The following DNAH6 variants were observed in gnomAD, a reference collection of about 807,000 sequenced individuals.
The protein encoded by DNAH6 is dynein axonemal heavy chain 6, also known as axonemal beta dynein heavy chain 6.
Under a neutral mutation model 491.4 loss-of-function variants are expected in DNAH6, and 340 were observed. The observed-to-expected ratio is 0.69, with a 90% CI of 0.63 to 0.76. The LOEUF (loss-of-function observed/expected upper bound fraction) is 0.76. Among genes scored for constraint, DNAH6 ranks in the 30% least tolerant of loss-of-function variants. DNAH6 has a pLI of 0.00. For synonymous variants in DNAH6, 1,603 were observed against 1,686.1 expected, an observed-to-expected ratio of 0.95 and a Z score of 1.21; for missense variants, 4,443 against 4,972.2, an observed-to-expected ratio of 0.89 and a Z score of 3.20.
intron 21 of DNAH6, among the ~76,000 whole-genome samples, chr2:84,609,789 A>C (rs1376857750): frequency 1.3e-5 from 2 of 152,180 alleles, no homozygotes; most frequent in African/African-American, 2.4e-5. Context: ...TGCTGTTGGA[A>C]AAATGGCATG....
chr2:84,473,443 A>G, the DNAH6 span, among the ~76,000 whole-genome samples: 1 of 152,212 alleles, frequency 6.6e-6, no homozygotes, highest in African/African-American at 2.4e-5. Context: ...CCTGTAGGCA[A>G]ATGCTTAGTA....
Position 84,781,626 on chromosome 2 carries a change from G to A in DNAH6, c.10837G>A (p.Glu3613Lys). The A allele has an allele frequency of 6.4e-7, 1 of 1,551,910 alleles. No homozygotes were observed. Among genetic ancestry groups the A allele is most frequent in the Non-Finnish European group, 8.7e-7 (1 of 1,146,950 alleles). The change falls in exon 65 of 77, where the codon GAG becomes AAG. Residue 3613 changes from glutamate to lysine, a missense_variant. Glu to Lys is a moderately conservative substitution (Grantham distance 56). Coordinates refer to ENST00000389394, the MANE Select transcript of DNAH6 (RefSeq NM_001370.2). ...TGTTTCTTGGATGTTGGCAATGGAA[G>A]AGCTCATTAAAACCTTCACAGATCC... ...LAVSWMLAMEELIKTFTDPDS... is the reference protein window; with the variant it reads ...LAVSWMLAMEKLIKTFTDPDS...
Position 84,688,515 on chromosome 2 carries a change from A to C in DNAH6, c.7214A>C (p.Tyr2405Ser), listed in dbSNP as rs565654789. ...IEKTANVLQD[Y>S]LDDYNLTNPK... ...AAAACTGCAAATGTTCTACAGGACT[A>C]TCTTGATGATTATAATCTCACAAAT... The change falls in exon 45 of 77, where the codon TAT becomes TCT. Residue 2405 changes from tyrosine (Y) to serine (S), a missense_variant. This residue lies in a region of DNAH6 where 2,977 missense variants were observed against 3,296.6 expected (regional missense o/e 0.90). Coordinates refer to ENST00000389394, the MANE Select transcript of DNAH6 (RefSeq NM_001370.2). The C allele has an allele frequency of 6.5e-7, 1 of 1,543,560 alleles. No individual in the cohort carries two copies. Among genetic ancestry groups the C allele is most frequent in the African/African-American group, 1.4e-5 (1 of 72,688 alleles).
the DNAH6 span, among the ~76,000 whole-genome samples, chr2:84,478,358 CAG>C: frequency 6.6e-6 from 1 of 152,306 alleles, no homozygotes; most frequent in Non-Finnish European, 1.5e-5. Flanking sequence ...TCTCCTCTGA[CAG>C]AGAGTGGCAC....
intron 26 of DNAH6, 105 bp downstream of exon 26, chr2:84,621,656 T>C: frequency 1.6e-6 from 1 of 619,748 alleles, no homozygotes; most frequent in African/African-American, 1.8e-5. Flanking sequence ...GAAATTCTAA[T>C]GCTCTGACAT....
At chr2:84,517,257 C>G (rs1009810051) in intron 1 of DNAH6, among the ~76,000 whole-genome samples, 1 of 152,164 alleles carries the variant, frequency 6.6e-6, no homozygotes, top group African/African-American at 2.4e-5. Context: ...GTTTTAGGAC[C>G]TTGCTACTCA....
At chr2:84,525,843 A>G (rs1041776828) in intron 3 of DNAH6, 105 bp downstream of exon 3, 2 of 793,516 alleles carry the variant, frequency 2.5e-6, no homozygotes, top group Non-Finnish European at 3.9e-6. Context: ...GTCATTTTCT[A>G]TAAGGTTGCA....
chr2:84,615,683 C>T (rs1282210811), intron 22 of DNAH6, among the ~76,000 whole-genome samples: 1 of 151,974 alleles, frequency 6.6e-6, no homozygotes, highest in Non-Finnish European at 1.5e-5. Context: ...GGATGTGTTT[C>T]CATTTGTTTG....
Position 84,706,798 on chromosome 2 carries a change from G to T in DNAH6, c.8728-98G>T, listed in dbSNP as rs539495714. On this transcript the variant is annotated intron_variant, in intron 52 of 76. Coordinates refer to ENST00000389394, the MANE Select transcript of DNAH6 (RefSeq NM_001370.2). The stretch of plus-strand genomic sequence containing the variant: ...ATCAAAGTCTTTTTGGACATGAAAA[G>T]AGGAACATATATAAAATTTTTTTTA... 3.6e-6 allele frequency: 5 copies of T among 1,375,140 alleles called. No individual in the cohort carries two copies. In the African/African-American group the frequency reaches 4.6e-5, roughly 13 times the overall value. The allele number at this position is 1,375,140 out of a possible 1,614,324, so 85.2% of individuals were successfully genotyped here.
chr2:84,733,307 C>G, intron 61 of DNAH6, 137 bp from the exon 62 acceptor site: 1 of 671,550 alleles, frequency 1.5e-6, no homozygotes, highest in Non-Finnish European at 2.5e-6. Flanking sequence ...ATTTCTATTT[C>G]ACCATATTGT....
At chr2:84,468,569 A>G in the DNAH6 span, among the ~76,000 whole-genome samples, 1 of 152,210 alleles carries the variant, frequency 6.6e-6, no homozygotes, top group Non-Finnish European at 1.5e-5. Flanking sequence ...GTGCTTAGAG[A>G]AAAGAAAATT....
chr2:84,649,244 T>C (rs1235811192), intron 33 of DNAH6, among the ~76,000 whole-genome samples: 2 of 152,248 alleles, frequency 1.3e-5, no homozygotes, highest in African/African-American at 4.8e-5. Flanking sequence ...ATATTCACTT[T>C]ATTGTAGTGG....
intron 59 of DNAH6, among the ~76,000 whole-genome samples, chr2:84,720,916 T>A (rs1202664254): frequency 6.6e-6 from 1 of 152,216 alleles, no homozygotes; most frequent in African/African-American, 2.4e-5. Flanking sequence ...GAGTCATCCT[T>A]TCTATACAGC....
At chr2:84,726,664 C>T (rs1454566277) in intron 60 of DNAH6, among the ~76,000 whole-genome samples, 1 of 151,948 alleles carries the variant, frequency 6.6e-6, no homozygotes, top group Non-Finnish European at 1.5e-5. Context: ...AGGAGATATA[C>T]CTAATGCTAA....
At chr2:84,533,298 A>C (rs1025258377) in intron 4 of DNAH6, among the ~76,000 whole-genome samples, 1 of 152,250 alleles carries the variant, frequency 6.6e-6, no homozygotes, top group East Asian at 1.9e-4. Context: ...AATAACAAGT[A>C]AAAGATTTTA....
rs565595352 is a variant in DNAH6, at chr2:84,644,432, T to C, written c.5078+2378T>C. 1.3e-4 allele frequency among the ~76,000 whole-genome samples: 20 copies of C among 152,254 alleles called. No homozygotes were observed. The South Asian group carries it at 3.7e-3, about 28-fold the overall frequency. On this transcript the variant is annotated intron_variant, in intron 33 of 76. Transcript: ENST00000389394. ...TTTCAAATGTGATTTTTTTTTTCAT[T>C]TCCAACTTTTATTTTGAGGTCCAGG...
At chr2:84,528,148 T>C (rs1017442045) in intron 3 of DNAH6, among the ~76,000 whole-genome samples, 3 of 152,116 alleles carry the variant, frequency 2.0e-5, no homozygotes, top group Non-Finnish European at 4.4e-5. Flanking sequence ...AGAGCAAAGC[T>C]GGAGTGTGTG....
rs1297433574 is a variant in DNAH6 at position 84,659,110 on chromosome 2, T to A, written c.6025T>A (p.Tyr2009Asn). Residue 2009 changes from tyrosine to asparagine, a missense_variant, in exon 37 of 77, where the codon TAC becomes AAC. By Grantham distance (143) the Tyr-to-Asn change is moderately radical. Coordinates refer to ENST00000389394, the MANE Select transcript of DNAH6 (RefSeq NM_001370.2). ...TTTGGGTGGAAACCTAACTGAAAAC[T>A]ACTATGATTCTTTTGATACATTTAT... ...WSLGGNLTEN[Y>N]YDSFDTFIRT... 9.9e-6 allele frequency: 15 copies of A among 1,519,010 alleles called. No homozygotes were observed. In the South Asian group the frequency reaches 1.4e-4, roughly 14 times the overall value. The allele number at this position is 1,519,010 out of a possible 1,614,324, so 94.1% of individuals were successfully genotyped here.
intron 68 of DNAH6, 59 bp downstream of exon 68, chr2:84,787,361 T>G: frequency 7.1e-7 from 1 of 1,401,916 alleles, no homozygotes; most frequent in Non-Finnish European, 9.8e-7. Context: ...GTTGGTTTAC[T>G]CCCACCTGGC....
Sources: allele counts gnomAD v4.1 joint callset (sites outside exome capture counted in the v4.1 genomes callset), GRCh38; gene constraint gnomAD v4.1.1; regional missense constraint gnomAD v4.1.1; transcripts MANE v1.5; gene names NCBI Gene and HGNC (gene_info 2026-07-23, HGNC 2026-07-21).